The following NCAM2 variants were observed in gnomAD, a reference collection of about 807,000 sequenced individuals.
The protein encoded by NCAM2 is neural cell adhesion molecule 2, also known as N-CAM-2.
Under a neutral mutation model 98.1 loss-of-function variants are expected in NCAM2, and 30 were observed. The ratio of observed to expected loss-of-function variants is 0.31; its 90% CI spans 0.23 to 0.41. The LOEUF (loss-of-function observed/expected upper bound fraction) is 0.41, where lower values mean the gene tolerates loss of function less well. NCAM2 is among the 10% of genes least tolerant of loss of function. The pLI, the probability that NCAM2 is intolerant of heterozygous loss-of-function variation, is 1.00. For missense variants in NCAM2, 867 were observed against 1,005.8 expected (o/e 0.86, Z 1.87); for synonymous variants, 368 against 342.4 (o/e 1.07, Z -0.83).
chr21:21,163,771 G>A (rs1356650296), intron 1 of NCAM2, among the ~76,000 whole-genome samples: 3 of 152,076 alleles, frequency 2.0e-5, no homozygotes, highest in Non-Finnish European at 2.9e-5. Flanking sequence ...CATCATCACT[G>A]CTATTTTTCA....
intron 16 of NCAM2, among the ~76,000 whole-genome samples, chr21:21,517,881 T>C (rs578080872): frequency 1.3e-5 from 2 of 152,198 alleles, no homozygotes; most frequent in South Asian, 4.1e-4. Context: ...CTTTATCACC[T>C]TGTAAGAGAG....
intron 1 of NCAM2, among the ~76,000 whole-genome samples, chr21:21,121,011 C>T (rs1273992352): frequency 1.2e-4 from 19 of 152,168 alleles, no homozygotes; most frequent in East Asian, 5.8e-4. Context: ...CCACCGCGCC[C>T]GGCCATGGAT....
At chr21:21,268,209 C>A (rs187456768) in intron 1 of NCAM2, among the ~76,000 whole-genome samples, 54 of 152,276 alleles carry the variant, frequency 3.5e-4, no homozygotes, top group African/African-American at 1.3e-3. Flanking sequence ...GAGTTCAGCT[C>A]CATGTTCCAT....
intron 14 of NCAM2, among the ~76,000 whole-genome samples, chr21:21,469,758 T>C (rs1240860846): frequency 6.6e-6 from 1 of 152,030 alleles, no homozygotes; most frequent in Non-Finnish European, 1.5e-5. Context: ...GAATGGCATA[T>C]TTTAATAATT....
Position 21,537,910 on chromosome 21 carries a change from G to A in NCAM2, c.2467G>A (p.Val823Ile). Residue 823 changes from valine (V) to isoleucine (I), a missense_variant, in exon 18 of 18, where the codon GTT becomes ATT. Physicochemically the swap from Val to Ile is conservative, Grantham distance 29. Transcript: ENST00000400546. ...ALNPETIEIK[V>I]SNDIIQSKED... is the part of the protein sequence containing the mutation. ...AAATCCAGAAACTATAGAAATTAAA[G>A]TTTCTAACGACATCATTCAATCAAA... 3 of 1,582,778 alleles carry A rather than the reference G, an allele frequency of 1.9e-6. No individual in the cohort carries two copies. The South Asian group carries it at 3.5e-5, about 18-fold the overall frequency.
intron 1 of NCAM2, among the ~76,000 whole-genome samples, chr21:21,262,988 G>A (rs2071979109): frequency 1.3e-5 from 2 of 152,074 alleles, no homozygotes; most frequent in East Asian, 1.9e-4. Flanking sequence ...ACCTCCCACC[G>A]GGTCACTCCC....
intron 12 of NCAM2, among the ~76,000 whole-genome samples, chr21:21,448,851 T>C (rs1980592709): frequency 6.6e-6 from 1 of 152,088 alleles, no homozygotes; most frequent in Non-Finnish European, 1.5e-5. Flanking sequence ...CTGATTTGCA[T>C]GTTGTGGAAA....
At chr21:21,294,898 A>C (rs1190127894) in intron 5 of NCAM2, among the ~76,000 whole-genome samples, 1 of 151,790 alleles carries the variant, frequency 6.6e-6, no homozygotes, top group Non-Finnish European at 1.5e-5. Flanking sequence ...AGGCTGCAAA[A>C]AATAATACCA....
rs762649862 is a variant in NCAM2 at position 21,540,086 on chromosome 21, G to A, written c.*2129G>A. On this transcript the variant is annotated 3_prime_UTR_variant, in exon 18 of 18. Transcript: ENST00000400546. ...AAACTAATGATGGTGAAAGAAATACGATGACTGAGAAAGTCATTTCGCATG... is the reference window on the plus strand; with the variant it reads ...AAACTAATGATGGTGAAAGAAATACAATGACTGAGAAAGTCATTTCGCATG... 6.6e-6 allele frequency: 1 copy of A among 152,000 alleles called. No individual in the cohort carries two copies. Among genetic ancestry groups the A allele is most frequent in the Non-Finnish European group, 1.5e-5 (1 of 68,000 alleles). 9.4% of individuals were successfully genotyped at this position (152,000 alleles called of 1,614,324 possible).
At chr21:21,114,497 G>A (rs777396455) in intron 1 of NCAM2, among the ~76,000 whole-genome samples, 1 of 152,134 alleles carries the variant, frequency 6.6e-6, no homozygotes, top group Non-Finnish European at 1.5e-5. Context: ...TACAAGGGTC[G>A]GTGTTAATGT....
chr21:21,177,357 T>C (rs2068327877), intron 1 of NCAM2, among the ~76,000 whole-genome samples: 1 of 70 alleles, frequency 0.014, no homozygotes, highest in South Asian at 0.5. Flanking sequence ...TCAAAATCCA[T>C]ATTTATTCAT....
chr21:21,227,349 G>T (rs1320527221), intron 1 of NCAM2, among the ~76,000 whole-genome samples: 1 of 151,568 alleles, frequency 6.6e-6, no homozygotes, highest in African/African-American at 2.4e-5. Context: ...AAACATAAAA[G>T]AAGATTATTT....
intron 12 of NCAM2, among the ~76,000 whole-genome samples, chr21:21,453,652 T>G (rs1981678918): frequency 6.6e-6 from 1 of 152,116 alleles, no homozygotes; most frequent in Non-Finnish European, 1.5e-5. Context: ...ATTTTGGGGT[T>G]AGAAAAGTAA....
intron 9 of NCAM2, among the ~76,000 whole-genome samples, chr21:21,394,556 T>C (rs2145842565): frequency 7.2e-6 from 1 of 138,752 alleles, no homozygotes; most frequent in African/African-American, 2.7e-5. Context: ...TGGTGCAATC[T>C]TGGCTCACTG....
At chr21:21,293,941 C>T (rs2073385222) in intron 5 of NCAM2, among the ~76,000 whole-genome samples, 1 of 151,258 alleles carries the variant, frequency 6.6e-6, no homozygotes, top group African/African-American at 2.4e-5. Flanking sequence ...ATAAGTATTT[C>T]CTATTATTGT....
intron 1 of NCAM2, among the ~76,000 whole-genome samples, chr21:21,236,898 G>A (rs988626219): frequency 2.0e-5 from 3 of 152,066 alleles, no homozygotes; most frequent in Admixed American, 6.6e-5. Context: ...AGAGTTGGAC[G>A]TTTAGGATAG....
chr21:21,471,644 C>G (rs370333245), intron 14 of NCAM2, among the ~76,000 whole-genome samples: 4 of 152,006 alleles, frequency 2.6e-5, no homozygotes, highest in African/African-American at 9.7e-5. Flanking sequence ...ATTCTGAGAA[C>G]AATGTAATTT....
intron 1 of NCAM2, among the ~76,000 whole-genome samples, chr21:21,020,248 C>A (rs2064403425): frequency 6.6e-6 from 1 of 152,000 alleles, no homozygotes; most frequent in South Asian, 2.1e-4. Flanking sequence ...GTTGGCCAGG[C>A]TGGTCTCAAA....
chr21:21,434,575 T>C (rs139092553), intron 12 of NCAM2, among the ~76,000 whole-genome samples: 75 of 152,302 alleles, frequency 4.9e-4, no homozygotes, highest in African/African-American at 1.7e-3. Context: ...GAATTTTAAA[T>C]TTGACTACTA....
Sources: gnomAD v4.1 joint callset for allele counts (sites outside exome capture counted in the v4.1 genomes callset) on GRCh38, gnomAD v4.1.1 for gene constraint, MANE v1.5 for transcripts, NCBI Gene and HGNC (gene_info 2026-07-23, HGNC 2026-07-21) for gene names.